Variants in PPARGC1B observed in about 807,000 individuals in gnomAD.
PPARGC1B encodes the protein PPARG coactivator 1 beta, also known as peroxisome proliferator-activated receptor gamma coactivator 1-beta.
In PPARGC1B, 34 loss-of-function variants were observed where a neutral mutation model predicts 101.6. The observed-to-expected ratio is 0.33, with a 90% CI of 0.25 to 0.45. PPARGC1B has a LOEUF of 0.45. Ranked by LOEUF, PPARGC1B falls within the 20% of genes least tolerant of loss-of-function variation. The pLI, the probability that PPARGC1B is intolerant of heterozygous loss-of-function variation, is 1.00. For missense variants in PPARGC1B, 1,234 were observed against 1,317.6 expected (o/e 0.94, Z 0.98); for synonymous variants, 548 against 539.3 (o/e 1.02, Z -0.22).
At chr5:149,792,223 CAG>C (rs2030509378) in intron 1 of PPARGC1B, among the ~76,000 whole-genome samples, 1 of 152,162 alleles carries the variant, frequency 6.6e-6, no homozygotes, top group Admixed American at 6.5e-5. Flanking sequence ...AATTGGCAAA[CAG>C]AGCTTGCATC....
chr5:149,737,714 C>G (rs187850852), intron 1 of PPARGC1B, among the ~76,000 whole-genome samples: 1 of 152,336 alleles, frequency 6.6e-6, no homozygotes, highest in African/African-American at 2.4e-5. Flanking sequence ...TGTGAAGAGG[C>G]CGGGCACAGT....
At position 149,810,809 on chromosome 5, in the gene PPARGC1B, G is replaced by A. The variant is rs139209484; in HGVS notation, c.79-9624G>A. On this transcript the variant is annotated intron_variant, in intron 1 of 11. Coordinates refer to ENST00000309241, the MANE Select transcript of PPARGC1B (RefSeq NM_133263.4). ...GGATCTCGGGTGACTCCCTCTTCCCGCTTTCTCAGCCTCAATGTCTTAATT... is the reference window on the plus strand; with the variant it reads ...GGATCTCGGGTGACTCCCTCTTCCCACTTTCTCAGCCTCAATGTCTTAATT... 2.6e-3 allele frequency among the ~76,000 whole-genome samples: 288 copies of A among 112,130 alleles called. 1 individual carries two copies. The highest frequency in any genetic ancestry group is 9.3e-3 in the African/African-American group (274 of 29,526). The allele number at this position is 112,130 out of a possible 152,430, so 73.6% of individuals were successfully genotyped here.
Position 149,833,678 on chromosome 5 carries a change from G to T in PPARGC1B, c.1605G>T (p.Gln535His), listed in dbSNP as rs776370312. 2 of 1,609,258 alleles carry T rather than the reference G, an allele frequency of 1.2e-6. No individual in the cohort carries two copies. The highest frequency in any genetic ancestry group is 2.7e-5 in the African/African-American group (2 of 74,884). The stretch of plus-strand genomic sequence containing the variant: ...ACGAGGACAGTGGCCAAGACCAGCA[G>T]CTCCTACGGGGACCCCAGATCCCTG... ...PTDEDSGQDQ[Q>H]LLRGPQIPAL... Residue 535 changes from glutamine (Q) to histidine (H), a missense_variant, in exon 5 of 12, where the codon CAG (glutamine) becomes CAT (histidine). By Grantham distance (24) the Gln-to-His change is conservative. Around this residue, in one of 3 missense-constraint regions of PPARGC1B, gnomAD observed 734 missense variants for 768.4 expected, o/e 0.96. Transcript: ENST00000309241. This position sits in a 1 kb window ranked among gnomAD's most constrained non-coding sequence, Gnocchi z 4.1.
intron 1 of PPARGC1B, among the ~76,000 whole-genome samples, chr5:149,816,122 T>A (rs1308647239): frequency 6.6e-6 from 1 of 152,226 alleles, no homozygotes; most frequent in Non-Finnish European, 1.5e-5. Context: ...CAAAAGCCTC[T>A]CTAAATATGG....
At chr5:149,756,319 G>A (rs1755518905) in intron 1 of PPARGC1B, among the ~76,000 whole-genome samples, 1 of 152,054 alleles carries the variant, frequency 6.6e-6, no homozygotes, top group Non-Finnish European at 1.5e-5. Context: ...AGGTGTGGTG[G>A]CAGGCACCTG....
chr5:149,832,786 A>G lies in PPARGC1B; in HGVS notation c.713A>G (p.Gln238Arg). 6.2e-7 allele frequency: 1 copy of G among 1,613,116 alleles called. No individual in the cohort carries two copies. The highest frequency in any genetic ancestry group is 8.5e-7 in the Non-Finnish European group (1 of 1,179,548). ...CGGGGTCTGCAGCCACCATGCCTCC[A>G]GAGTCCCCGGCTCCCTGCCAAGGAG... ...QDRGLQPPCLQSPRLPAKEDK... is the reference protein window; with the variant it reads ...QDRGLQPPCLRSPRLPAKEDK... The change falls in exon 5 of 12, where the codon CAG becomes CGG. Residue 238 changes from glutamine to arginine, a missense_variant. Gln to Arg is a conservative substitution (Grantham distance 43). Around this residue, in one of 3 missense-constraint regions of PPARGC1B, gnomAD observed 734 missense variants for 768.4 expected, o/e 0.96. Transcript: ENST00000309241. The surrounding 1 kb of genome is among the most constrained non-coding windows in gnomAD (Gnocchi z 4.9).
Position 149,833,307 on chromosome 5 carries a change from C to T in PPARGC1B, c.1234C>T (p.Leu412=). The T allele has an allele frequency of 5.6e-6, 9 of 1,613,492 alleles. No homozygotes were observed. The highest frequency in any genetic ancestry group is 7.6e-6 in the Non-Finnish European group (9 of 1,180,042). ...STGPRPSLRP[L]RLEVKREVRR... ...CGGGCCCAGACCAAGCCTGCGCCCA[C>T]TGCGGCTGGAGGTGAAAAGGGAGGT... Residue 412 remains leucine, a synonymous_variant, in exon 5 of 12, where the codon CTG becomes TTG. Coordinates refer to ENST00000309241, the MANE Select transcript of PPARGC1B (RefSeq NM_133263.4). This position sits in a 1 kb window ranked among gnomAD's most constrained non-coding sequence, Gnocchi z 4.1.
chr5:149,740,373 A>C (rs1754868261), intron 1 of PPARGC1B, among the ~76,000 whole-genome samples: 1 of 152,240 alleles, frequency 6.6e-6, no homozygotes, highest in African/African-American at 2.4e-5. Context: ...TGTTATTATG[A>C]AAAGGGGACA....
At chr5:149,840,220 C>A in intron 9 of PPARGC1B, 104 bp downstream of exon 9, 1 of 1,034,666 alleles carries the variant, frequency 9.7e-7, no homozygotes, top group African/African-American at 1.6e-5. Context: ...GTGAGCCCCT[C>A]AGTCTTCGGC....
At chr5:149,821,146 G>A (rs893222819) in intron 2 of PPARGC1B, among the ~76,000 whole-genome samples, 1 of 152,216 alleles carries the variant, frequency 6.6e-6, no homozygotes, top group Non-Finnish European at 1.5e-5. Context: ...TGTTCTGTGG[G>A]AGAGCTGTCC....
At chr5:149,842,187 C>T in intron 9 of PPARGC1B, 69 bp from the exon 10 acceptor site, 1 of 1,582,936 alleles carries the variant, frequency 6.3e-7, no homozygotes, top group East Asian at 2.3e-5. Context: ...TCCACGGGAG[C>T]CCACTCCCAG....
In PPARGC1B at chr5:149,813,502, C is replaced by T. The variant is rs114742306; in HGVS notation, c.79-6931C>T. Among the ~76,000 whole-genome samples the T allele has an allele frequency of 4.1e-3, 617 of 152,244 alleles. 4 individuals carry two copies. The highest frequency in any genetic ancestry group is 0.014 in the African/African-American group (594 of 41,534). ...GGATTAGGTGGCTGGTCAAAGTTGA[C>T]AGAAAAGAATTGGGTGAGCCGGCAG... On this transcript the variant is annotated intron_variant, in intron 1 of 11. Coordinates refer to ENST00000309241, the MANE Select transcript of PPARGC1B (RefSeq NM_133263.4).
At chr5:149,817,988 G>C (rs80311307) in intron 1 of PPARGC1B, among the ~76,000 whole-genome samples, 1 of 152,196 alleles carries the variant, frequency 6.6e-6, no homozygotes, top group African/African-American at 2.4e-5. Flanking sequence ...ACAGGACCAC[G>C]GCTGCATCCC....
chr5:149,794,811 G>A (rs1245193453), intron 1 of PPARGC1B, among the ~76,000 whole-genome samples: 2 of 152,240 alleles, frequency 1.3e-5, no homozygotes, highest in African/African-American at 4.8e-5. Context: ...TGCTGATGAA[G>A]CGTTGTCTGC....
intron 5 of PPARGC1B, 40 bp from the exon 6 acceptor site, chr5:149,834,634 C>A: frequency 6.3e-7 from 1 of 1,593,436 alleles, no homozygotes; most frequent in Non-Finnish European, 8.6e-7. Context: ...GCTAGTGATA[C>A]CATATTGGGG....
Position 149,855,015 on chromosome 5 carries a change from C to T in PPARGC1B, c.*7457C>T, listed in dbSNP as rs954576139. ...ACTATGGAGATTAAAAACAAAATAC[C>T]ACCCACAGCTTTGCCCATGTGTGTT... On this transcript the variant is annotated 3_prime_UTR_variant, in exon 12 of 12. Coordinates refer to ENST00000309241, the MANE Select transcript of PPARGC1B (RefSeq NM_133263.4). 1 of 152,038 alleles carries T rather than the reference C, an allele frequency of 6.6e-6. No individual in the cohort carries two copies. The highest frequency in any genetic ancestry group is 1.5e-5 in the Non-Finnish European group (1 of 68,004). The allele number at this position is 152,038 out of a possible 1,614,324, so 9.4% of individuals were successfully genotyped here.
intron 1 of PPARGC1B, among the ~76,000 whole-genome samples, chr5:149,735,738 C>T (rs916461647): frequency 6.6e-6 from 1 of 152,226 alleles, no homozygotes; most frequent in Non-Finnish European, 1.5e-5. Context: ...GACTATTTGA[C>T]TCTAAGCTCC....
chr5:149,744,908 CT>C lies in PPARGC1B; in HGVS notation c.78+14506del, dbSNP rs34363116. Among the ~76,000 whole-genome samples the C allele has an allele frequency of 8.1e-3, 1,083 of 132,884 alleles. 13 individuals carry two copies. The highest frequency in any genetic ancestry group is 0.026 in the African/African-American group (914 of 35,544). The allele number at this position is 132,884 out of a possible 152,430, so 87.2% of individuals were successfully genotyped here. Reference sequence around the variant, plus strand: ...TCTGGTTCAAATTTTAGCTTTGTGACTTTTTTTTTTTTTTTTTTGAGACAGG... The same window carrying C: ...TCTGGTTCAAATTTTAGCTTTGTGACTTTTTTTTTTTTTTTTTGAGACAGG... On this transcript the variant is annotated intron_variant, in intron 1 of 11. Coordinates refer to ENST00000309241, the MANE Select transcript of PPARGC1B (RefSeq NM_133263.4).
intron 9 of PPARGC1B, among the ~76,000 whole-genome samples, chr5:149,840,419 C>T (rs1254055905): frequency 2.6e-5 from 4 of 152,076 alleles, no homozygotes; most frequent in South Asian, 2.1e-4. Flanking sequence ...GCCAAGTGGG[C>T]GGGCTGTGGT....
Sources: gnomAD v4.1 joint callset for allele counts (sites outside exome capture counted in the v4.1 genomes callset) on GRCh38, gnomAD v4.1.1 for gene constraint, gnomAD v4.1.1 regional missense constraint, Gnocchi (gnomAD v3.1) non-coding constraint, MANE v1.5 for transcripts, NCBI Gene and HGNC (gene_info 2026-07-23, HGNC 2026-07-21) for gene names.